STAG1: variants seen among roughly 807,000 people sequenced by gnomAD.
STAG1 encodes the protein cohesin subunit SA-1.
In STAG1, 26 loss-of-function variants were observed where a neutral mutation model predicts 170.9. That is an observed-to-expected ratio of 0.15 (90% confidence interval 0.11 to 0.21). The LOEUF (loss-of-function observed/expected upper bound fraction) is 0.21. Among genes scored for constraint, STAG1 ranks in the 10% least tolerant of loss-of-function variants. The pLI is 1.00. For synonymous variants in STAG1, 514 were observed against 497.7 expected (o/e 1.03, Z -0.44); for missense variants, 964 against 1,509.5 (o/e 0.64, Z 5.99).
Position 136,374,967 on chromosome 3 carries a change from C to G in STAG1, c.2370+2693G>C, listed in dbSNP as rs1376348900. Among the ~76,000 whole-genome samples the G allele has an allele frequency of 2.6e-5, 4 of 151,896 alleles. No individual in the cohort carries two copies. In the East Asian group the frequency reaches 5.8e-4, roughly 22 times the overall value. On this transcript the variant is annotated intron_variant, in intron 23 of 33. Coordinates refer to ENST00000383202, the MANE Select transcript of STAG1 (RefSeq NM_005862.3). ...TTAGATATGTTTAGATATATAAATA[C>G]CAGTTGTATTATAATTATCTATACT...
At chr3:136,466,214 G>C (rs749863604) in intron 12 of STAG1, among the ~76,000 whole-genome samples, 2 of 152,162 alleles carry the variant, frequency 1.3e-5, no homozygotes, top group Non-Finnish European at 2.9e-5. Context: ...TCAGCTAAAG[G>C]AGGAAGTTGG....
intron 5 of STAG1, among the ~76,000 whole-genome samples, chr3:136,549,753 G>A (rs534835854): frequency 5.3e-5 from 8 of 151,474 alleles, no homozygotes; most frequent in Admixed American, 1.3e-4. Flanking sequence ...CCTTGTTCCT[G>A]ATCTTACAGA....
At chr3:136,608,452 G>A (rs1484399222) in intron 3 of STAG1, among the ~76,000 whole-genome samples, 1 of 150,820 alleles carries the variant, frequency 6.6e-6, no homozygotes, top group Non-Finnish European at 1.5e-5. Flanking sequence ...AATCGATTGA[G>A]CCGGGGAGGC....
chr3:136,517,548 G>C (rs933874415), intron 7 of STAG1, among the ~76,000 whole-genome samples: 9 of 151,912 alleles, frequency 5.9e-5, no homozygotes, highest in Non-Finnish European at 1.2e-4. Flanking sequence ...AATTCTTTGA[G>C]AGTAAAATTT....
chr3:136,666,338 G>C (rs1941774215), intron 1 of STAG1, among the ~76,000 whole-genome samples: 2 of 152,026 alleles, frequency 1.3e-5, no homozygotes. Context: ...ACCTTGCCTA[G>C]CCCTCTGAAC....
At chr3:136,529,773 A>T (rs990218191) in intron 6 of STAG1, among the ~76,000 whole-genome samples, 1 of 152,204 alleles carries the variant, frequency 6.6e-6, no homozygotes, top group African/African-American at 2.4e-5. Context: ...TGACACTGCT[A>T]CAGAAAATCA....
chr3:136,540,982 C>T (rs1209471673), intron 6 of STAG1, among the ~76,000 whole-genome samples: 6 of 151,672 alleles, frequency 4.0e-5, no homozygotes, highest in Non-Finnish European at 5.9e-5. Flanking sequence ...ATTCCATTTT[C>T]ATACGTGAAG....
At chr3:136,352,996 A>C (rs1422324570) in intron 28 of STAG1, among the ~76,000 whole-genome samples, 4 of 152,210 alleles carry the variant, frequency 2.6e-5, no homozygotes, top group Non-Finnish European at 4.4e-5. Flanking sequence ...TGATGACAAT[A>C]TCTCTCATGA....
At chr3:136,413,487 T>C (rs1175980190) in intron 21 of STAG1, among the ~76,000 whole-genome samples, 4 of 151,794 alleles carry the variant, frequency 2.6e-5, no homozygotes, top group African/African-American at 9.7e-5. Context: ...AGATGGAGTT[T>C]TGCTCTTGTT....
intron 14 of STAG1, among the ~76,000 whole-genome samples, chr3:136,446,629 GC>G (rs1284326248): frequency 6.6e-6 from 1 of 151,896 alleles, no homozygotes; most frequent in African/African-American, 2.4e-5. Flanking sequence ...CACCATGTTG[GC>G]CAGGCTGGTC....
chr3:136,619,106 T>G (rs983728192), intron 3 of STAG1, among the ~76,000 whole-genome samples: 1 of 151,864 alleles, frequency 6.6e-6, no homozygotes, highest in Non-Finnish European at 1.5e-5. Flanking sequence ...ATGCTAACAT[T>G]AGGACAATGT....
intron 13 of STAG1, among the ~76,000 whole-genome samples, chr3:136,463,715 A>C (rs1269077760): frequency 4.6e-5 from 5 of 109,292 alleles, no homozygotes; most frequent in African/African-American, 7.1e-5. Context: ...CCATCTCTCT[A>C]AAAAAAAAAA....
chr3:136,504,354 T>C (rs986182289), intron 7 of STAG1, among the ~76,000 whole-genome samples: 1 of 152,212 alleles, frequency 6.6e-6, no homozygotes, highest in Non-Finnish European at 1.5e-5. Flanking sequence ...AAATGGATTT[T>C]TCAGGATTTT....
At chr3:136,539,928 T>C (rs1935807771) in intron 6 of STAG1, among the ~76,000 whole-genome samples, 2 of 152,172 alleles carry the variant, frequency 1.3e-5, no homozygotes, top group Non-Finnish European at 2.9e-5. Flanking sequence ...CTTACTTTGC[T>C]GTAATACAAT....
intron 9 of STAG1, among the ~76,000 whole-genome samples, chr3:136,490,486 T>A (rs2090104023): frequency 6.6e-6 from 1 of 152,190 alleles, no homozygotes. Context: ...TGTATGGCTA[T>A]CTGTTACCCT....
intron 3 of STAG1, among the ~76,000 whole-genome samples, chr3:136,615,424 CAAA>C (rs35713077): frequency 2.4e-4 from 8 of 33,258 alleles, no homozygotes; most frequent in African/African-American, 3.2e-4. Context: ...AGACTTTGTC[CAAA>C]AAAAAAAAAA....
At chr3:136,378,997 T>A (rs935388971) in intron 22 of STAG1, among the ~76,000 whole-genome samples, 8 of 152,182 alleles carry the variant, frequency 5.3e-5, no homozygotes, top group Non-Finnish European at 1.5e-5. Context: ...GATCTTTACA[T>A]CCCAAATAAT....
intron 15 of STAG1, 102 bp from the exon 16 acceptor site, chr3:136,433,761 G>T: frequency 1.3e-6 from 1 of 783,070 alleles, no homozygotes; most frequent in Non-Finnish European, 2.1e-6. Context: ...TTCTATTACT[G>T]CTTATTTTAA....
At chr3:136,650,249 AAGAG>A (rs1553760635) in intron 1 of STAG1, among the ~76,000 whole-genome samples, 3 of 151,672 alleles carry the variant, frequency 2.0e-5, no homozygotes, top group Admixed American at 6.6e-5. Flanking sequence ...AAAAAAAAAA[AAGAG>A]AGAGAGACAG....
Sources: allele counts gnomAD v4.1 joint callset (sites outside exome capture counted in the v4.1 genomes callset), GRCh38; gene constraint gnomAD v4.1.1; transcripts MANE v1.5; gene names NCBI Gene and HGNC (gene_info 2026-07-23, HGNC 2026-07-21).